Variants in AUTS2 observed in about 807,000 individuals in gnomAD.
AUTS2 encodes the protein autism susceptibility gene 2 protein.
A neutral mutation model predicts 112.4 loss-of-function variants in AUTS2; 17 were observed. The ratio of observed to expected loss-of-function variants is 0.15; its 90% CI spans 0.10 to 0.23. The LOEUF is 0.23. Among genes scored for constraint, AUTS2 ranks in the 10% least tolerant of loss-of-function variants. AUTS2 has a pLI of 1.00. For missense variants in AUTS2, 1,510 were observed against 1,701.6 expected, an observed-to-expected ratio of 0.89 and a Z score of 1.98; for synonymous variants, 751 against 702.7, an observed-to-expected ratio of 1.07 and a Z score of -1.09.
At chr7:70,303,663 A>G (rs894160509) in intron 4 of AUTS2, among the ~76,000 whole-genome samples, 1 of 152,038 alleles carries the variant, frequency 6.6e-6, no homozygotes, top group Non-Finnish European at 1.5e-5. Context: ...GGTGCTATAC[A>G]ATTTGGAGGT....
At chr7:70,710,085 G>C (rs1175446269) in intron 6 of AUTS2, among the ~76,000 whole-genome samples, 1 of 152,092 alleles carries the variant, frequency 6.6e-6, no homozygotes, top group Non-Finnish European at 1.5e-5. Context: ...CTTGGGTGCT[G>C]TTAAAAGAGA....
intron 4 of AUTS2, among the ~76,000 whole-genome samples, chr7:70,162,375 G>C (rs564124508): frequency 6.9e-6 from 1 of 144,928 alleles, no homozygotes; most frequent in Non-Finnish European, 1.5e-5. Flanking sequence ...GAACCCGGGA[G>C]GCGGAGCTTG....
intron 4 of AUTS2, among the ~76,000 whole-genome samples, chr7:70,339,406 C>T (rs1233660272): frequency 6.6e-6 from 1 of 152,198 alleles, no homozygotes; most frequent in Non-Finnish European, 1.5e-5. Flanking sequence ...ATTTATTCAA[C>T]ACAGAAATAT....
At chr7:70,336,402 T>C (rs1234896818) in intron 4 of AUTS2, among the ~76,000 whole-genome samples, 1 of 152,204 alleles carries the variant, frequency 6.6e-6, no homozygotes, top group Non-Finnish European at 1.5e-5. Context: ...TATTTCAGAA[T>C]TTATATTGAT....
Position 70,084,031 on chromosome 7 carries a change from A to G in AUTS2, c.523-34101A>G, listed in dbSNP as rs866864257. Reference sequence around the variant, plus strand: ...TTCCTTTCTCCCCCACCTCCCTTCCATCTCCACCCCAGCTTATTCCCTGGC... The same window carrying G: ...TTCCTTTCTCCCCCACCTCCCTTCCGTCTCCACCCCAGCTTATTCCCTGGC... On this transcript the variant is annotated intron_variant, in intron 2 of 18. Coordinates refer to ENST00000342771, the MANE Select transcript of AUTS2 (RefSeq NM_015570.4). Among the ~76,000 whole-genome samples, 6 of 152,058 alleles carry G rather than the reference A, an allele frequency of 3.9e-5. No individual in the cohort carries two copies. The South Asian group carries it at 1.0e-3, about 26-fold the overall frequency.
intron 5 of AUTS2, among the ~76,000 whole-genome samples, chr7:70,586,747 A>G (rs1027171531): frequency 2.6e-5 from 4 of 152,124 alleles, no homozygotes; most frequent in African/African-American, 9.7e-5. Context: ...CTGCTGTTCA[A>G]TCCCATTCAG....
intron 5 of AUTS2, among the ~76,000 whole-genome samples, chr7:70,466,717 G>A (rs574268915): frequency 1.3e-5 from 2 of 152,332 alleles, no homozygotes; most frequent in Admixed American, 6.5e-5. Context: ...ATTAGTGTGA[G>A]ACAAAAACAT....
At chr7:69,632,268 T>C (rs979067698) in intron 1 of AUTS2, among the ~76,000 whole-genome samples, 4 of 152,170 alleles carry the variant, frequency 2.6e-5, no homozygotes, top group Non-Finnish European at 5.9e-5. Context: ...GGTTTTGCCT[T>C]GCTGGACAGT....
In AUTS2 at chr7:70,109,086, A is replaced by G. The variant is rs78234697; in HGVS notation, c.523-9046A>G. 8.8e-3 allele frequency among the ~76,000 whole-genome samples: 1,342 copies of G among 152,324 alleles called. 23 individuals carry two copies. The highest frequency in any genetic ancestry group is 0.031 in the African/African-American group (1,278 of 41,578). Reference sequence around the variant, plus strand: ...TGTTAGAATGGGAAAAACAAAAGATAGAAGACATTTTCTATTTGAGAGTGG... The same window carrying G: ...TGTTAGAATGGGAAAAACAAAAGATGGAAGACATTTTCTATTTGAGAGTGG... On this transcript the variant is annotated intron_variant, in intron 2 of 18. Transcript: ENST00000342771.
chr7:70,639,509 G>C (rs569211906), intron 5 of AUTS2, among the ~76,000 whole-genome samples: 5 of 150,912 alleles, frequency 3.3e-5, no homozygotes, highest in Non-Finnish European at 5.9e-5. Flanking sequence ...TCAGCTACTG[G>C]GGGGGTGGTG....
At chr7:70,483,387 C>A (rs2116245244) in intron 5 of AUTS2, among the ~76,000 whole-genome samples, 1 of 152,332 alleles carries the variant, frequency 6.6e-6, no homozygotes, top group East Asian at 1.9e-4. Flanking sequence ...TGTTCCTCGG[C>A]TTCCCTCTTC....
intron 2 of AUTS2, among the ~76,000 whole-genome samples, chr7:70,104,423 G>A (rs1277069897): frequency 6.6e-6 from 1 of 152,148 alleles, no homozygotes; most frequent in Non-Finnish European, 1.5e-5. Context: ...ATTGAAAACA[G>A]TTGTTAATTC....
At chr7:70,443,569 T>C (rs1796203366) in intron 5 of AUTS2, among the ~76,000 whole-genome samples, 1 of 152,224 alleles carries the variant, frequency 6.6e-6, no homozygotes, top group Non-Finnish European at 1.5e-5. Context: ...TTCGTCTCTC[T>C]CAGTCTTCCA....
intron 1 of AUTS2, among the ~76,000 whole-genome samples, chr7:69,874,940 G>T (rs1793665404): frequency 6.6e-6 from 1 of 151,656 alleles, no homozygotes; most frequent in South Asian, 2.1e-4. Flanking sequence ...CATTGCATCT[G>T]TTTGATGTTG....
intron 5 of AUTS2, among the ~76,000 whole-genome samples, chr7:70,661,704 AATCTGTAG>A (rs1315495921): frequency 4.6e-5 from 7 of 152,090 alleles, no homozygotes; most frequent in African/African-American, 1.7e-4. Flanking sequence ...AGTTAGAACA[AATCTGTAG>A]ATCTGTAGAT....
chr7:70,134,450 C>G (rs1806440057), intron 3 of AUTS2, 86 bp from the exon 4 acceptor site: 1 of 1,163,650 alleles, frequency 8.6e-7, no homozygotes, highest in African/African-American at 1.5e-5. Context: ...GAAAAGCCTG[C>G]AAAGGGCTGG....
At chr7:70,018,732 A>G (rs1800141659) in intron 2 of AUTS2, among the ~76,000 whole-genome samples, 1 of 152,222 alleles carries the variant, frequency 6.6e-6, no homozygotes, top group South Asian at 2.1e-4. Flanking sequence ...AGGAGAAAGA[A>G]TATCTTAAAA....
intron 5 of AUTS2, among the ~76,000 whole-genome samples, chr7:70,469,371 G>A (rs532577547): frequency 6.6e-6 from 1 of 152,166 alleles, no homozygotes; most frequent in Non-Finnish European, 1.5e-5. Context: ...CCCAAATAAA[G>A]AGAAGCTGGT....
chr7:70,401,956 T>A (rs931372033), intron 4 of AUTS2, among the ~76,000 whole-genome samples: 1 of 152,264 alleles, frequency 6.6e-6, no homozygotes, highest in African/African-American at 2.4e-5. Context: ...TGTAACTTCT[T>A]ACACTATTCC....
Sources: gnomAD v4.1 joint callset for allele counts (sites outside exome capture counted in the v4.1 genomes callset) on GRCh38, gnomAD v4.1.1 for gene constraint, MANE v1.5 for transcripts, NCBI Gene and HGNC (gene_info 2026-07-23, HGNC 2026-07-21) for gene names.